AOPEP: variants seen among roughly 807,000 people sequenced by gnomAD.
AOPEP encodes aminopeptidase O.
AOPEP carries 77 observed loss-of-function variants against 98.1 expected under a neutral mutation model. The ratio of observed to expected loss-of-function variants is 0.78; its 90% CI spans 0.65 to 0.95. The LOEUF (loss-of-function observed/expected upper bound fraction) is 0.95. Ranked by LOEUF, AOPEP falls within the 40% of genes least tolerant of loss-of-function variation. AOPEP has a pLI of 0.00. For missense variants in AOPEP, 1,024 were observed against 1,024.7 expected, an observed-to-expected ratio of 1.00 and a Z score of 0.01; for synonymous variants, 346 against 365.3, an observed-to-expected ratio of 0.95 and a Z score of 0.60.
intron 5 of AOPEP, among the ~76,000 whole-genome samples, chr9:94,808,718 C>T (rs147350955): frequency 5.1e-4 from 77 of 152,342 alleles, no homozygotes; most frequent in Admixed American, 9.1e-4. Context: ...GAACTTCATT[C>T]TAAGAAAGTG....
chr9:94,734,345 G>A (rs945724231), intron 1 of AOPEP, among the ~76,000 whole-genome samples: 2 of 152,148 alleles, frequency 1.3e-5, no homozygotes, highest in Non-Finnish European at 2.9e-5. Context: ...AAAGATGGTT[G>A]GTGCAGTGTA....
the AOPEP span, among the ~76,000 whole-genome samples, chr9:95,146,134 T>C: frequency 6.6e-6 from 1 of 152,122 alleles, no homozygotes; most frequent in African/African-American, 2.4e-5. Flanking sequence ...AAATGCATTG[T>C]ATAGCAAGGA....
rs72746532 is a variant in AOPEP, at chr9:94,802,156, G to T, written c.1364+1154G>T. Among the ~76,000 whole-genome samples, 799 of 152,140 alleles carry T rather than the reference G, an allele frequency of 5.3e-3. 11 individuals are homozygous for T. The highest frequency in any genetic ancestry group is 0.044 in the South Asian group (210 of 4,816). Reference sequence around the variant, plus strand: ...TAATTGTCTTGGATGTCTATATATAGAATTTTTCTTAATGGAGGGGGGGGC... The same window carrying T: ...TAATTGTCTTGGATGTCTATATATATAATTTTTCTTAATGGAGGGGGGGGC... On this transcript the variant is annotated intron_variant, in intron 5 of 16. Coordinates refer to ENST00000375315, the MANE Select transcript of AOPEP (RefSeq NM_001193329.3).
intron 13 of AOPEP, among the ~76,000 whole-genome samples, chr9:95,049,937 G>A (rs569702173): frequency 3.3e-5 from 5 of 152,254 alleles, no homozygotes; most frequent in South Asian, 2.1e-4. Context: ...CAGCAAAGTC[G>A]CATTTCAGAT....
intron 14 of AOPEP, among the ~76,000 whole-genome samples, chr9:95,071,033 G>GT (rs1457329061): frequency 3.3e-5 from 5 of 152,204 alleles, no homozygotes; most frequent in Non-Finnish European, 5.9e-5. Context: ...GTGAGCTGTA[G>GT]TATATTAACA....
intron 5 of AOPEP, among the ~76,000 whole-genome samples, chr9:94,810,263 G>C (rs944341781): frequency 8.6e-5 from 13 of 151,882 alleles, no homozygotes; most frequent in African/African-American, 3.1e-4. Context: ...GGGTGATTTA[G>C]AATAACCCGC....
intron 5 of AOPEP, among the ~76,000 whole-genome samples, chr9:94,850,013 C>T (rs1020470359): frequency 4.2e-5 from 6 of 142,876 alleles, no homozygotes; most frequent in East Asian, 2.1e-4. Flanking sequence ...CCAGCCTGCG[C>T]GACAGAGTGA....
intron 5 of AOPEP, among the ~76,000 whole-genome samples, chr9:94,890,711 C>A (rs2048789059): frequency 6.6e-6 from 1 of 152,162 alleles, no homozygotes; most frequent in African/African-American, 2.4e-5. Context: ...ATTTTTGACA[C>A]TCTTTGATCC....
At chr9:94,960,928 C>T (rs1377366516) in intron 9 of AOPEP, among the ~76,000 whole-genome samples, 2 of 150,606 alleles carry the variant, frequency 1.3e-5, no homozygotes, top group Non-Finnish European at 2.9e-5. Context: ...AGGAGAATGG[C>T]GTGAACCCGG....
chr9:95,004,710 G>A (rs957902034), intron 11 of AOPEP, among the ~76,000 whole-genome samples: 4 of 147,238 alleles, frequency 2.7e-5, no homozygotes, highest in African/African-American at 7.8e-5. Context: ...GGAGCCGGGG[G>A]AGGGGTGGCG....
At chr9:94,900,822 A>G (rs1291088645) in intron 5 of AOPEP, 1 of 152,214 alleles carries the variant, frequency 6.6e-6, no homozygotes, top group Non-Finnish European at 1.5e-5. Context: ...AGTTCTGGAT[A>G]GATCTGCGAT....
At chr9:94,987,986 C>A (rs1298887669) in intron 11 of AOPEP, among the ~76,000 whole-genome samples, 1 of 152,072 alleles carries the variant, frequency 6.6e-6, no homozygotes, top group East Asian at 1.9e-4. Context: ...AAAGACAGCT[C>A]CCCGGGTAAA....
At chr9:94,918,136 A>G (rs1237937318) in intron 5 of AOPEP, among the ~76,000 whole-genome samples, 1 of 152,058 alleles carries the variant, frequency 6.6e-6, no homozygotes, top group Non-Finnish European at 1.5e-5. Context: ...CTTGTGTGTC[A>G]CCCTCCTGGG....
chr9:95,034,741 C>T (rs904378766), intron 13 of AOPEP, among the ~76,000 whole-genome samples: 1 of 152,166 alleles, frequency 6.6e-6, no homozygotes, highest in Non-Finnish European at 1.5e-5. Flanking sequence ...GATCAACTGA[C>T]AGTCTTTGAC....
chr9:94,929,152 C>T (rs747184750), intron 7 of AOPEP, among the ~76,000 whole-genome samples: 3 of 152,162 alleles, frequency 2.0e-5, no homozygotes, highest in Non-Finnish European at 2.9e-5. Flanking sequence ...ACCTAGGCTC[C>T]GGGAGCACTG....
intron 5 of AOPEP, among the ~76,000 whole-genome samples, chr9:94,846,351 G>T (rs1388606990): frequency 6.6e-6 from 1 of 152,124 alleles, no homozygotes; most frequent in South Asian, 2.1e-4. Context: ...TGTGGGATTT[G>T]GTTCAGTGGG....
At chr9:95,144,729 T>C in the AOPEP span, among the ~76,000 whole-genome samples, 1 of 152,206 alleles carries the variant, frequency 6.6e-6, no homozygotes, top group African/African-American at 2.4e-5. Flanking sequence ...TTAAATATTC[T>C]TTGTAAGTAT....
chr9:94,832,702 C>T (rs1856258288), intron 5 of AOPEP, among the ~76,000 whole-genome samples: 2 of 152,154 alleles, frequency 1.3e-5, no homozygotes, highest in Admixed American at 6.6e-5. Context: ...TGTTCACTAT[C>T]TCTAAGACTG....
At position 94,970,882 on chromosome 9, in the gene AOPEP, G is replaced by A. The variant is rs190738797; in HGVS notation, c.1916+3081G>A. ...AGCAGTTTCCTTAGGAACTAAAACC[G>A]AGAAAAAAAGAAAATTAATAGAAAT... On this transcript the variant is annotated intron_variant, in intron 10 of 16. Transcript: ENST00000375315. Among the ~76,000 whole-genome samples, 15 of 151,916 alleles carry A rather than the reference G, an allele frequency of 9.9e-5. 1 individual carries two copies. In the East Asian group the frequency reaches 2.1e-3, roughly 22 times the overall value.
Sources: gnomAD v4.1 joint callset for allele counts (sites outside exome capture counted in the v4.1 genomes callset) on GRCh38, gnomAD v4.1.1 for gene constraint, MANE v1.5 for transcripts, NCBI Gene and HGNC (gene_info 2026-07-23, HGNC 2026-07-21) for gene names.